The following WDR35 variants were observed in gnomAD, a reference collection of about 807,000 sequenced individuals.
The protein encoded by WDR35 is WD repeat-containing protein 35.
A neutral mutation model predicts 158.3 loss-of-function variants in WDR35; 118 were observed. That is an observed-to-expected ratio of 0.75 (90% CI 0.64 to 0.87). The LOEUF (loss-of-function observed/expected upper bound fraction) is 0.87, where lower values mean the gene tolerates loss of function less well. Among genes scored for constraint, WDR35 ranks in the 40% least tolerant of loss-of-function variants. The pLI is 0.00. For missense variants in WDR35, 1,263 were observed against 1,405.8 expected, an observed-to-expected ratio of 0.90 and a Z score of 1.62; for synonymous variants, 448 against 476.1, an observed-to-expected ratio of 0.94 and a Z score of 0.77.
At chr2:19,959,149 CA>C (rs539195488) in intron 11 of WDR35, among the ~76,000 whole-genome samples, 249 of 138,250 alleles carry the variant, frequency 1.8e-3, no homozygotes, top group African/African-American at 3.3e-3. Flanking sequence ...AGCAAGACTA[CA>C]AAAAAAAAAA....
chr2:19,914,411 T>C (rs1265549335), intron 25 of WDR35, 134 bp from the exon 26 acceptor site: 2 of 1,140,624 alleles, frequency 1.8e-6, no homozygotes, highest in Non-Finnish European at 2.5e-6. Context: ...TGTTGAGAGA[T>C]GGGAGCACCA....
intron 19 of WDR35, among the ~76,000 whole-genome samples, chr2:19,936,578 T>C (rs1474764607): frequency 6.6e-6 from 1 of 152,168 alleles, no homozygotes; most frequent in African/African-American, 2.4e-5. Context: ...CCAAAATTCA[T>C]GTTAAAACTT....
chr2:19,955,707 G>C (rs1422353710), intron 11 of WDR35, among the ~76,000 whole-genome samples: 1 of 152,106 alleles, frequency 6.6e-6, no homozygotes, highest in East Asian at 1.9e-4. Context: ...CCGGAATAAA[G>C]ACATAACGTT....
In WDR35 at chr2:19,990,003, G is replaced by C. The variant is rs1182348867; in HGVS notation, c.13C>G (p.Leu5Val). MFFY[L>V]SKKISIPNNV... The stretch of plus-strand genomic sequence containing the variant: ...CCCAGGAAACTCACTTTCTTGCTCA[G>C]GTAGAAGAACATCGTGGGATCCCCG... The change falls in exon 1 of 27, where the codon CTG (leucine) becomes GTG (valine). Residue 5 changes from leucine (L) to valine (V), a missense_variant. By Grantham distance (32) the Leu-to-Val change is conservative. Transcript: ENST00000281405. 1.9e-6 allele frequency: 3 copies of C among 1,613,922 alleles called. No individual in the cohort carries two copies. The highest frequency in any genetic ancestry group is 1.3e-5 in the African/African-American group (1 of 74,948).
intron 25 of WDR35, among the ~76,000 whole-genome samples, chr2:19,919,380 C>CAAAAAAAAAAAAAAAAAAAAAAAAAA (rs1302042752): frequency 2.1e-5 from 1 of 48,240 alleles, no homozygotes; most frequent in Non-Finnish European, 4.3e-5. Flanking sequence ...GGCTCCATCT[C>CAAAAAAAAAAAAAAAAAAAAAAAAAA]AAAAAAAAAA....
intron 25 of WDR35, among the ~76,000 whole-genome samples, chr2:19,924,338 G>T (rs35307726): frequency 0.22 from 32,973 of 151,904 alleles, 3,919 homozygotes; most frequent in Non-Finnish European, 0.25. Context: ...GCTGAGGGGG[G>T]TGGATCACAA....
At chr2:19,929,593 A>T (rs993267064) in intron 25 of WDR35, among the ~76,000 whole-genome samples, 1 of 152,240 alleles carries the variant, frequency 6.6e-6, no homozygotes, top group Non-Finnish European at 1.5e-5. Context: ...TGTTAAGAAG[A>T]AATTGAGATC....
chr2:19,960,464 T>C (rs1359344046), intron 11 of WDR35, 90 bp downstream of exon 11: 8 of 1,059,704 alleles, frequency 7.5e-6, no homozygotes, highest in Non-Finnish European at 1.1e-5. Context: ...GAAAACACCA[T>C]TCTAATTAAT....
chr2:19,965,327 T>G (rs746445533), intron 10 of WDR35, among the ~76,000 whole-genome samples: 2 of 152,256 alleles, frequency 1.3e-5, no homozygotes, highest in Non-Finnish European at 2.9e-5. Flanking sequence ...TGGCAATCCT[T>G]GTCTAACTGC....
intron 5 of WDR35, among the ~76,000 whole-genome samples, chr2:19,977,235 G>C (rs1420160377): frequency 2.0e-5 from 3 of 152,166 alleles, no homozygotes; most frequent in Admixed American, 1.3e-4. Flanking sequence ...AAAATTTTGT[G>C]TTCAGCACAG....
chr2:19,969,701 A>G (rs1671973067), intron 8 of WDR35, 96 bp from the exon 9 acceptor site: 8 of 1,332,042 alleles, frequency 6.0e-6, no homozygotes, highest in Non-Finnish European at 8.3e-6. Flanking sequence ...TGGTATGAAC[A>G]TTATTTTGTG....
In WDR35 at chr2:19,975,867, T is replaced by C. The variant is rs191051438; in HGVS notation, c.437-204A>G. ...AGCAGCTGTTTCAACCTTTCTCCCC[T>C]TTCTTCTAAACTCTGATGCTGGATC... On this transcript the variant is annotated intron_variant, in intron 5 of 26. Coordinates refer to ENST00000281405, the MANE Select transcript of WDR35 (RefSeq NM_020779.4). Among the ~76,000 whole-genome samples, 4 of 152,310 alleles carry C rather than the reference T, an allele frequency of 2.6e-5. No individual in the cohort carries two copies. In the East Asian group the frequency reaches 7.7e-4, roughly 29 times the overall value.
intron 13 of WDR35, among the ~76,000 whole-genome samples, chr2:19,948,465 G>A (rs1412523631): frequency 6.6e-6 from 1 of 152,124 alleles, no homozygotes; most frequent in East Asian, 1.9e-4. Flanking sequence ...CTCATTGCAG[G>A]ACAGTATGAT....
chr2:19,977,822 A>C (rs547164213), intron 5 of WDR35, among the ~76,000 whole-genome samples: 2 of 152,204 alleles, frequency 1.3e-5, no homozygotes, highest in South Asian at 4.2e-4. Context: ...TACCCTACTG[A>C]TAATCAACTT....
At chr2:19,920,200 A>G (rs531422361) in intron 25 of WDR35, among the ~76,000 whole-genome samples, 2 of 152,342 alleles carry the variant, frequency 1.3e-5, no homozygotes, top group South Asian at 2.1e-4. Context: ...AAACAACAGA[A>G]AAAGAGGGAA....
At chr2:19,940,674 G>C (rs1044279397) in intron 17 of WDR35, among the ~76,000 whole-genome samples, 6 of 152,210 alleles carry the variant, frequency 3.9e-5, no homozygotes, top group African/African-American at 9.6e-5. Flanking sequence ...AGAAAGCCCA[G>C]ATGCTTCTTC....
intron 5 of WDR35, 104 bp downstream of exon 5, chr2:19,978,647 T>C: frequency 6.5e-7 from 1 of 1,530,892 alleles, no homozygotes; most frequent in African/African-American, 1.4e-5. Context: ...TTTATGTCTA[T>C]TTTTCAATCA....
chr2:19,917,328 C>T (rs1670021370), intron 25 of WDR35, among the ~76,000 whole-genome samples: 1 of 152,162 alleles, frequency 6.6e-6, no homozygotes, highest in African/African-American at 2.4e-5. Context: ...AACCAAAACA[C>T]CTCTTCTCCT....
At position 19,953,821 on chromosome 2, in the gene WDR35, T is replaced by C; in HGVS notation, c.1400+13A>G. 6.2e-7 allele frequency: 1 copy of C among 1,613,992 alleles called. No homozygotes were observed. The highest frequency in any genetic ancestry group is 1.1e-5 in the South Asian group (1 of 91,074). On this transcript the variant is annotated intron_variant, in intron 12 of 26. Transcript: ENST00000281405. ...TGGTTGAGCTACTAAAAAGTATGTA[T>C]CAAAAGATATACCTTTCTCTCCCTT...
Sources: allele counts gnomAD v4.1 joint callset (sites outside exome capture counted in the v4.1 genomes callset), GRCh38; gene constraint gnomAD v4.1.1; transcripts MANE v1.5; gene names NCBI Gene and HGNC (gene_info 2026-07-23, HGNC 2026-07-21).